The following DHRSX variants were observed in gnomAD, a reference collection of about 807,000 sequenced individuals.
DHRSX encodes polyprenol dehydrogenase.
DHRSX carries 31 observed loss-of-function variants against 34.0 expected under a neutral mutation model. That is an observed-to-expected ratio of 0.91 (90% CI 0.69 to 1.23). The LOEUF (loss-of-function observed/expected upper bound fraction) is 1.23, where lower values mean the gene tolerates loss of function less well. DHRSX is among the 50% of genes most tolerant of loss of function. The probability of loss-of-function intolerance (pLI) is 0.00; values close to 1 mark genes in which losing one functional copy is unlikely to be tolerated. For synonymous variants in DHRSX, 201 were observed against 183.8 expected, an observed-to-expected ratio of 1.09 and a Z score of -0.76; for missense variants, 414 against 428.1, an observed-to-expected ratio of 0.97 and a Z score of 0.29.
intron 1 of DHRSX, among the ~76,000 whole-genome samples, chrX:2,453,905 T>C (rs2044261002): frequency 6.6e-6 from 1 of 152,158 alleles, no homozygotes; most frequent in Admixed American, 6.5e-5. Context: ...ATTAGCTTGG[T>C]TAATACGTTA....
At chrX:2,241,784 T>C (rs1226874980) in intron 6 of DHRSX, among the ~76,000 whole-genome samples, 1 of 152,016 alleles carries the variant, frequency 6.6e-6, no homozygotes, top group Non-Finnish European at 1.5e-5. Context: ...GTCACATGCC[T>C]GTAATCCCAG....
intron 4 of DHRSX, among the ~76,000 whole-genome samples, chrX:2,270,589 A>T (rs1235227340): frequency 2.0e-5 from 3 of 152,178 alleles, no homozygotes; most frequent in Admixed American, 1.3e-4. Flanking sequence ...CCCTGGCCCC[A>T]GTGGAGGCTT....
At chrX:2,358,046 G>T (rs147107788) in intron 3 of DHRSX, among the ~76,000 whole-genome samples, 1,673 of 152,264 alleles carry the variant, frequency 0.011, 28 homozygotes, top group African/African-American at 0.036. Flanking sequence ...AGCATGTGGT[G>T]GATGGCTAGG....
intron 4 of DHRSX, among the ~76,000 whole-genome samples, chrX:2,282,805 A>AGAGAGAAAGAGAGAGAGG (rs1219493366): frequency 1.1e-4 from 11 of 103,000 alleles, no homozygotes; most frequent in Non-Finnish European, 1.8e-4. Flanking sequence ...GAAAGAGAGA[A>AGAGAGAAAGAGAGAGAGG]GAGAGAAAGA....
At position 2,437,360 on chromosome X, in the gene DHRSX, C is replaced by CT. The variant is rs1272581363; in HGVS notation, c.110-12057dup. Among the ~76,000 whole-genome samples, 5 of 151,632 alleles carry CT rather than the reference C, an allele frequency of 3.3e-5. No homozygotes were observed. The East Asian group carries it at 5.9e-4, about 18-fold the overall frequency. On this transcript the variant is annotated intron_variant, in intron 1 of 6. Coordinates refer to ENST00000334651, the MANE Select transcript of DHRSX (RefSeq NM_145177.3). ...GTGGCTCATGTCTGTAATCCCAGCA[C>CT]TTTGGGAGGCCGAGGTAGAAAAATC...
intron 3 of DHRSX, among the ~76,000 whole-genome samples, chrX:2,304,336 A>G (rs867653108): frequency 1.8e-4 from 16 of 89,924 alleles, no homozygotes; most frequent in South Asian, 6.8e-4. Flanking sequence ...TGGATGGATG[A>G]ACTGATGGAT....
intron 3 of DHRSX, among the ~76,000 whole-genome samples, chrX:2,315,433 T>C (rs1019453543): frequency 9.2e-5 from 14 of 152,134 alleles, no homozygotes; most frequent in Non-Finnish European, 4.4e-5. Context: ...GACTAAGGTG[T>C]TGGACTTCTG....
chrX:2,291,444 G>T lies in DHRSX; in HGVS notation c.388+58C>A. The T allele has an allele frequency of 3.8e-6, 5 of 1,321,368 alleles. No individual in the cohort carries two copies. The South Asian group carries it at 4.8e-5, about 13-fold the overall frequency. The allele number at this position is 1,321,368 out of a possible 1,614,324, so 81.9% of individuals were successfully genotyped here. On this transcript the variant is annotated intron_variant, in intron 4 of 6. Coordinates refer to ENST00000334651, the MANE Select transcript of DHRSX (RefSeq NM_145177.3). Reference sequence around the variant, plus strand: ...AGACACTTCTCCCGCATGAAAGCTAGAGTTCCTGTTTGCATTCAAATTAAC... The same window carrying T: ...AGACACTTCTCCCGCATGAAAGCTATAGTTCCTGTTTGCATTCAAATTAAC...
intron 2 of DHRSX, among the ~76,000 whole-genome samples, chrX:2,419,169 C>T (rs1179922658): frequency 3.9e-5 from 6 of 152,078 alleles, no homozygotes; most frequent in East Asian, 3.8e-4. Context: ...TGTTGGGAGG[C>T]GGAGGCTTTG....
chrX:2,411,752 C>CAAA (rs112913508), intron 2 of DHRSX, among the ~76,000 whole-genome samples: 4 of 149,882 alleles, frequency 2.7e-5, no homozygotes, highest in African/African-American at 9.8e-5. Flanking sequence ...CAAAACAAAA[C>CAAA]AAAAAAAAAC....
intron 1 of DHRSX, among the ~76,000 whole-genome samples, chrX:2,437,809 C>T (rs1205314240): frequency 6.6e-6 from 1 of 151,692 alleles, no homozygotes; most frequent in African/African-American, 2.4e-5. Context: ...GTCCCAGGAA[C>T]ACATTTTCCT....
At chrX:2,344,798 G>A (rs2042680478) in intron 3 of DHRSX, among the ~76,000 whole-genome samples, 1 of 146,332 alleles carries the variant, frequency 6.8e-6, no homozygotes, top group Admixed American at 7.0e-5. Context: ...ACCCACCATG[G>A]CACATGTATA....
At chrX:2,284,236 GTTCA>G (rs958500128) in intron 4 of DHRSX, among the ~76,000 whole-genome samples, 59 of 151,870 alleles carry the variant, frequency 3.9e-4, no homozygotes, top group Non-Finnish European at 6.3e-4. Flanking sequence ...GAATTCATTT[GTTCA>G]TTCATTAGAA....
intron 2 of DHRSX, among the ~76,000 whole-genome samples, chrX:2,413,742 T>C (rs1325515153): frequency 6.6e-6 from 1 of 152,146 alleles, no homozygotes; most frequent in Non-Finnish European, 1.5e-5. Flanking sequence ...GATTTTATGA[T>C]GACCAACGCA....
intron 3 of DHRSX, among the ~76,000 whole-genome samples, chrX:2,329,545 C>A (rs1171177892): frequency 2.0e-5 from 3 of 152,024 alleles, no homozygotes; most frequent in African/African-American, 7.2e-5. Flanking sequence ...TCTATGCAAC[C>A]CTAACCTTTC....
intron 5 of DHRSX, among the ~76,000 whole-genome samples, chrX:2,254,517 C>T (rs2041248924): frequency 1.3e-5 from 2 of 152,172 alleles, no homozygotes; most frequent in Non-Finnish European, 2.9e-5. Flanking sequence ...GCAGTACAAA[C>T]AACTCCATTA....
At chrX:2,399,040 G>A (rs2043450250) in intron 3 of DHRSX, among the ~76,000 whole-genome samples, 1 of 151,954 alleles carries the variant, frequency 6.6e-6, no homozygotes, top group African/African-American at 2.4e-5. Flanking sequence ...ACTTTTAGTA[G>A]AGACGGGGTT....
At chrX:2,455,827 C>A (rs1417644654) in intron 1 of DHRSX, among the ~76,000 whole-genome samples, 1 of 148,618 alleles carries the variant, frequency 6.7e-6, no homozygotes, top group Non-Finnish European at 1.5e-5. Flanking sequence ...TTTTTTTTAA[C>A]TCTTTTAAAA....
intron 5 of DHRSX, among the ~76,000 whole-genome samples, chrX:2,264,676 CCATTT>C (rs2041417420): frequency 6.7e-6 from 1 of 149,790 alleles, no homozygotes; most frequent in African/African-American, 2.5e-5. Context: ...CCAGGGAGCA[CCATTT>C]CCAGGGCACG....
Sources: gnomAD v4.1 joint callset for allele counts (sites outside exome capture counted in the v4.1 genomes callset) on GRCh38, gnomAD v4.1.1 for gene constraint, MANE v1.5 for transcripts, NCBI Gene and HGNC (gene_info 2026-07-23, HGNC 2026-07-21) for gene names.